Variants in DTWD2 observed in about 807,000 individuals in gnomAD.
The protein encoded by DTWD2 is tRNA-uridine aminocarboxypropyltransferase 2.
DTWD2 carries 39 observed loss-of-function variants against 31.8 expected under a neutral mutation model. The observed-to-expected ratio is 1.22, with a 90% CI of 0.95 to 1.60. The LOEUF (loss-of-function observed/expected upper bound fraction) is 1.60. Ranked by LOEUF, DTWD2 falls within the 40% of genes most tolerant of loss-of-function variation. The pLI is 0.00. For synonymous variants in DTWD2, 180 were observed against 142.8 expected, an observed-to-expected ratio of 1.26 and a Z score of -1.86; for missense variants, 515 against 381.5, an observed-to-expected ratio of 1.35 and a Z score of -2.92.
At chr5:118,872,092 C>G (rs1170587342) in intron 4 of DTWD2, among the ~76,000 whole-genome samples, 2 of 152,182 alleles carry the variant, frequency 1.3e-5, no homozygotes, top group Non-Finnish European at 2.9e-5. Context: ...AACTTTTCTC[C>G]TGTAGCTTCA....
chr5:118,872,720 A>C (rs1333283266), intron 4 of DTWD2, among the ~76,000 whole-genome samples: 2 of 152,378 alleles, frequency 1.3e-5, no homozygotes, highest in Non-Finnish European at 2.9e-5. Context: ...AAACATTGTA[A>C]GAATTACCAA....
At position 118,923,289 on chromosome 5, in the gene DTWD2, C is replaced by T. The variant is rs182777754; in HGVS notation, c.597+5248G>A. Among the ~76,000 whole-genome samples the T allele has an allele frequency of 8.1e-4, 124 of 152,256 alleles. 2 individuals carry two copies. Among genetic ancestry groups the T allele is most frequent in the African/African-American group, 2.8e-3 (118 of 41,532 alleles). ...CTCTAAAAATGATAATTTGGCAGCC[C>T]ATTCAGGGCGCCAGAGCGAGGCCAT... is the stretch of plus-strand genomic sequence containing the variant. On this transcript the variant is annotated intron_variant, in intron 4 of 5. Coordinates refer to ENST00000510708, the MANE Select transcript of DTWD2 (RefSeq NM_173666.4).
At chr5:118,843,111 C>T (rs1236336658) in intron 5 of DTWD2, among the ~76,000 whole-genome samples, 1 of 151,950 alleles carries the variant, frequency 6.6e-6, no homozygotes, top group African/African-American at 2.4e-5. Flanking sequence ...TGCATGCCAC[C>T]ATGCCCAGCT....
intron 1 of DTWD2, chr5:118,987,989 A>G (rs1015859553): frequency 1.2e-5 from 8 of 661,856 alleles, no homozygotes; most frequent in Admixed American, 4.4e-5. Flanking sequence ...TACAAGTATT[A>G]CTGTCATCAC....
intron 4 of DTWD2, among the ~76,000 whole-genome samples, chr5:118,886,264 A>G (rs1169569161): frequency 5.9e-5 from 9 of 152,252 alleles, no homozygotes; most frequent in Non-Finnish European, 1.3e-4. Context: ...GTGCCTTCAA[A>G]GAGTTTACGG....
At chr5:118,940,287 C>G (rs978091327) in intron 2 of DTWD2, among the ~76,000 whole-genome samples, 1 of 152,204 alleles carries the variant, frequency 6.6e-6, no homozygotes, top group Admixed American at 6.5e-5. Flanking sequence ...GGTTTTAGGA[C>G]ATTTTCCAAT....
At chr5:118,952,475 G>T (rs1385624024) in intron 1 of DTWD2, among the ~76,000 whole-genome samples, 2 of 152,124 alleles carry the variant, frequency 1.3e-5, no homozygotes, top group African/African-American at 2.4e-5. Context: ...GCAAGCAGGG[G>T]CGGGGGTCAT....
At chr5:118,931,888 T>C (rs1753932125) in intron 3 of DTWD2, among the ~76,000 whole-genome samples, 1 of 152,162 alleles carries the variant, frequency 6.6e-6, no homozygotes, top group African/African-American at 2.4e-5. Context: ...AAGTATGCTC[T>C]CAGACTACAA....
At chr5:118,979,245 A>C (rs760674274) in intron 1 of DTWD2, among the ~76,000 whole-genome samples, 2 of 152,176 alleles carry the variant, frequency 1.3e-5, no homozygotes, top group African/African-American at 2.4e-5. Context: ...CAGAGCTTGC[A>C]GTGAGCAAAG....
intron 1 of DTWD2, among the ~76,000 whole-genome samples, chr5:118,960,845 T>C (rs1754689125): frequency 6.6e-6 from 1 of 152,100 alleles, no homozygotes; most frequent in East Asian, 1.9e-4. Flanking sequence ...ACACTGCATA[T>C]TCTCACTTAT....
intron 4 of DTWD2, among the ~76,000 whole-genome samples, chr5:118,925,348 G>C (rs1438992612): frequency 2.0e-5 from 3 of 152,010 alleles, no homozygotes; most frequent in Non-Finnish European, 4.4e-5. Flanking sequence ...CCTAAATAGA[G>C]AATGTACATT....
rs192859822 is a variant in DTWD2, at chr5:118,984,353, C to G, written c.218+3941G>C. On this transcript the variant is annotated intron_variant, in intron 1 of 5. Transcript: ENST00000510708. The stretch of plus-strand genomic sequence containing the variant: ...GCAGGCACCTGTAGTCCCAGCTACT[C>G]TGGAGGCTGAAGCAGGAGAATGGTT... Among the ~76,000 whole-genome samples the G allele has an allele frequency of 5.0e-3, 752 of 151,118 alleles. 10 individuals are homozygous for G. Among genetic ancestry groups the G allele is most frequent in the South Asian group, 0.035 (167 of 4,786 alleles).
At chr5:118,895,097 C>T (rs1349552018) in intron 4 of DTWD2, among the ~76,000 whole-genome samples, 2 of 152,034 alleles carry the variant, frequency 1.3e-5, no homozygotes, top group Admixed American at 6.6e-5. Flanking sequence ...GACTACATGT[C>T]CTTATATTTA....
chr5:118,928,043 A>C (rs1466999415), intron 4 of DTWD2, among the ~76,000 whole-genome samples: 1 of 152,122 alleles, frequency 6.6e-6, no homozygotes, highest in Non-Finnish European at 1.5e-5. Context: ...CAATATTAAG[A>C]AAGGTGTCTT....
At chr5:118,980,979 G>C (rs1227188003) in intron 1 of DTWD2, among the ~76,000 whole-genome samples, 1 of 152,110 alleles carries the variant, frequency 6.6e-6, no homozygotes, top group Non-Finnish European at 1.5e-5. Flanking sequence ...ATGGATAATA[G>C]ATCAACAAAA....
intron 1 of DTWD2, among the ~76,000 whole-genome samples, chr5:118,954,049 T>C (rs925533012): frequency 2.0e-5 from 3 of 152,160 alleles, no homozygotes; most frequent in Non-Finnish European, 4.4e-5. Context: ...GGAGAAAGGA[T>C]CACTTGAGCA....
At chr5:118,953,365 C>CTT (rs758384916) in intron 1 of DTWD2, among the ~76,000 whole-genome samples, 5 of 152,214 alleles carry the variant, frequency 3.3e-5, no homozygotes, top group Non-Finnish European at 7.3e-5. Flanking sequence ...GCTTGATGAA[C>CTT]TTTTGTGAGA....
intron 4 of DTWD2, among the ~76,000 whole-genome samples, chr5:118,907,491 G>A (rs898922943): frequency 8.5e-5 from 13 of 152,152 alleles, no homozygotes; most frequent in African/African-American, 3.1e-4. Context: ...AGCACTTTGG[G>A]AGGCCAAGGC....
intron 3 of DTWD2, 111 bp downstream of exon 3, chr5:118,939,085 A>G (rs887115056): frequency 3.1e-5 from 31 of 1,011,380 alleles, no homozygotes; most frequent in Middle Eastern, 2.5e-4. Context: ...TTTTTTGACT[A>G]ATTTCCACTC....
Sources: gnomAD v4.1 joint callset for allele counts (sites outside exome capture counted in the v4.1 genomes callset) on GRCh38, gnomAD v4.1.1 for gene constraint, MANE v1.5 for transcripts, NCBI Gene and HGNC (gene_info 2026-07-23, HGNC 2026-07-21) for gene names.